The following PRR16 variants were observed in gnomAD, a reference collection of about 807,000 sequenced individuals.
The protein encoded by PRR16 is proline rich 16, also known as protein Largen.
A neutral mutation model predicts 18.2 loss-of-function variants in PRR16; 6 were observed. That is an observed-to-expected ratio of 0.33 (90% CI 0.18 to 0.65). The LOEUF (loss-of-function observed/expected upper bound fraction) is 0.65, where lower values mean the gene tolerates loss of function less well. PRR16 is among the 30% of genes least tolerant of loss of function. The pLI, the probability that PRR16 is intolerant of heterozygous loss-of-function variation, is 0.74. For synonymous variants in PRR16, 151 were observed against 147.8 expected, an observed-to-expected ratio of 1.02 and a Z score of -0.16; for missense variants, 412 against 376.6, an observed-to-expected ratio of 1.09 and a Z score of -0.78.
intron 1 of PRR16, among the ~76,000 whole-genome samples, chr5:120,480,584 T>A (rs1375044115): frequency 1.3e-5 from 2 of 152,216 alleles, no homozygotes; most frequent in Non-Finnish European, 2.9e-5. Flanking sequence ...CTATACAGAT[T>A]AGCTGTTGCT....
At position 120,619,848 on chromosome 5, in the gene PRR16, C is replaced by G. The variant is rs374876128; in HGVS notation, c.160-66106C>G. The stretch of plus-strand genomic sequence containing the variant: ...AAGAAATATAAAGATTAATAAGACA[C>G]AGTTCTACCCATGATATGTTCACAG... On this transcript the variant is annotated intron_variant, in intron 1 of 1. Coordinates refer to ENST00000407149, the MANE Select transcript of PRR16 (RefSeq NM_001300783.2). 5.9e-5 allele frequency among the ~76,000 whole-genome samples: 9 copies of G among 152,104 alleles called. No individual in the cohort carries two copies. In the East Asian group the frequency reaches 1.5e-3, roughly 26 times the overall value.
chr5:120,674,953 G>A (rs971280428), intron 1 of PRR16, among the ~76,000 whole-genome samples: 1 of 151,120 alleles, frequency 6.6e-6, no homozygotes, highest in Admixed American at 6.6e-5. Flanking sequence ...TTACGTATGT[G>A]TTATTATTTT....
the PRR16 span, among the ~76,000 whole-genome samples, chr5:120,709,655 G>A: frequency 8.1e-4 from 123 of 151,974 alleles, no homozygotes; most frequent in Middle Eastern, 3.4e-3. Context: ...ACCCTTCCCA[G>A]CCTCTGGTAA....
rs756929051 is a variant in PRR16 at position 120,686,066 on chromosome 5, G to C, written c.272G>C (p.Ser91Thr). Residue 91 changes from serine to threonine, a missense_variant, in exon 2 of 2, where the codon AGC becomes ACC. Transcript: ENST00000407149. Reference protein sequence around the residue: ...NSSSSGTTASSLEKIKVQANA... With the variant: ...NSSSSGTTASTLEKIKVQANA... Reference sequence around the variant, plus strand: ...AGCTCAAGTGGCACAACAGCCTCCAGCCTAGAGAAGATCAAAGTGCAGGCT... The same window carrying C: ...AGCTCAAGTGGCACAACAGCCTCCACCCTAGAGAAGATCAAAGTGCAGGCT... 1.2e-6 allele frequency: 2 copies of C among 1,614,102 alleles called. No individual in the cohort carries two copies. The highest frequency in any genetic ancestry group is 1.1e-5 in the South Asian group (1 of 91,072).
At chr5:120,774,892 TTAAGG>T in the PRR16 span, among the ~76,000 whole-genome samples, 12 of 152,288 alleles carry the variant, frequency 7.9e-5, no homozygotes, top group South Asian at 2.5e-3. Context: ...TCTGATTCTC[TTAAGG>T]TATTTATGAC....
At chr5:120,754,625 A>G in the PRR16 span, among the ~76,000 whole-genome samples, 1 of 58,452 alleles carries the variant, frequency 1.7e-5, no homozygotes. Flanking sequence ...TTATATATTT[A>G]TATATAATAT....
the PRR16 span, among the ~76,000 whole-genome samples, chr5:120,697,662 A>G: frequency 1.3e-5 from 2 of 151,878 alleles, no homozygotes; most frequent in Non-Finnish European, 2.9e-5. Context: ...AAGGGAGATA[A>G]GGGTGGGGCC....
chr5:120,602,199 G>A lies in PRR16; in HGVS notation c.160-83755G>A, dbSNP rs558962945. On this transcript the variant is annotated intron_variant, in intron 1 of 1. Coordinates refer to ENST00000407149, the MANE Select transcript of PRR16 (RefSeq NM_001300783.2). ...ATATTGATTCTTTCTATTCATGACC[G>A]TGGAATGTTTTTCCATTTGTTTGTT... Among the ~76,000 whole-genome samples, 60 of 152,040 alleles carry A rather than the reference G, an allele frequency of 3.9e-4. No individual in the cohort carries two copies. The South Asian group carries it at 6.6e-3, about 17-fold the overall frequency.
In PRR16 at chr5:120,594,031, C is replaced by T. The variant is rs191412309; in HGVS notation, c.160-91923C>T. Among the ~76,000 whole-genome samples, 456 of 152,164 alleles carry T rather than the reference C, an allele frequency of 3.0e-3. 2 individuals carry two copies. Among genetic ancestry groups the T allele is most frequent in the Non-Finnish European group, 5.1e-3 (344 of 67,980 alleles). ...ATAATAAGAGCCACTTATGACAAACCCACAGCTAACATCATACTGACTGAG... is the reference window on the plus strand; with the variant it reads ...ATAATAAGAGCCACTTATGACAAACTCACAGCTAACATCATACTGACTGAG... On this transcript the variant is annotated intron_variant, in intron 1 of 1. Coordinates refer to ENST00000407149, the MANE Select transcript of PRR16 (RefSeq NM_001300783.2).
the PRR16 span, among the ~76,000 whole-genome samples, chr5:120,768,273 T>C: frequency 8.6e-5 from 13 of 151,858 alleles, no homozygotes; most frequent in African/African-American, 2.9e-4. Flanking sequence ...CACCACACAA[T>C]ATAATTCTAG....
intron 1 of PRR16, among the ~76,000 whole-genome samples, chr5:120,681,152 G>A (rs1054110987): frequency 6.6e-6 from 1 of 151,912 alleles, no homozygotes; most frequent in African/African-American, 2.4e-5. Flanking sequence ...AAATATATTG[G>A]CATCATTTAT....
chr5:120,594,087 G>C (rs768458692), intron 1 of PRR16, among the ~76,000 whole-genome samples: 22 of 151,974 alleles, frequency 1.4e-4, no homozygotes, highest in Non-Finnish European at 2.5e-4. Flanking sequence ...CTTGAACACT[G>C]GCACAAGATA....
intron 1 of PRR16, among the ~76,000 whole-genome samples, chr5:120,563,712 C>T (rs371519402): frequency 3.3e-5 from 5 of 152,280 alleles, no homozygotes; most frequent in East Asian, 3.9e-4. Context: ...CAAATGCCTG[C>T]CTATTGCTCT....
chr5:120,726,283 A>C, the PRR16 span, among the ~76,000 whole-genome samples: 1 of 152,180 alleles, frequency 6.6e-6, no homozygotes, highest in African/African-American at 2.4e-5. Flanking sequence ...TTATCTGTGG[A>C]TGTCAAGAAA....
chr5:120,549,102 C>T (rs879365542), intron 1 of PRR16, among the ~76,000 whole-genome samples: 8 of 151,910 alleles, frequency 5.3e-5, no homozygotes, highest in Non-Finnish European at 7.4e-5. Context: ...TTGCATGTTT[C>T]TCTTTTATTG....
the PRR16 span, among the ~76,000 whole-genome samples, chr5:120,734,098 C>T: frequency 6.6e-6 from 1 of 152,104 alleles, no homozygotes; most frequent in Admixed American, 6.5e-5. Flanking sequence ...AGGAGTGGCA[C>T]ACAGGGGATG....
chr5:120,616,350 G>C (rs1754510476), intron 1 of PRR16, among the ~76,000 whole-genome samples: 1 of 152,158 alleles, frequency 6.6e-6, no homozygotes, highest in Admixed American at 6.5e-5. Flanking sequence ...CAGCCTCACA[G>C]GCCAAGCTCC....
chr5:120,740,541 T>C, the PRR16 span, among the ~76,000 whole-genome samples: 1 of 152,180 alleles, frequency 6.6e-6, no homozygotes, highest in East Asian at 1.9e-4. Flanking sequence ...TATACATGTG[T>C]GGGTCTATTT....
chr5:120,607,371 A>G (rs1754187645), intron 1 of PRR16, among the ~76,000 whole-genome samples: 1 of 152,186 alleles, frequency 6.6e-6, no homozygotes, highest in Admixed American at 6.5e-5. Flanking sequence ...TTATCTTGTC[A>G]GCTGTAAATG....
Sources: gnomAD v4.1 joint callset for allele counts (sites outside exome capture counted in the v4.1 genomes callset) on GRCh38, gnomAD v4.1.1 for gene constraint, MANE v1.5 for transcripts, NCBI Gene and HGNC (gene_info 2026-07-23, HGNC 2026-07-21) for gene names.